HS3ST5: variants seen among roughly 807,000 people sequenced by gnomAD.
HS3ST5 encodes heparan sulfate-glucosamine 3-sulfotransferase 5.
In HS3ST5, 10 loss-of-function variants were observed where a neutral mutation model predicts 25.4. The ratio of observed to expected loss-of-function variants is 0.39; its 90% CI spans 0.24 to 0.67. HS3ST5 has a LOEUF of 0.67. HS3ST5 is among the 30% of genes least tolerant of loss of function. HS3ST5 has a pLI of 0.44. For missense variants in HS3ST5, 324 were observed against 420.7 expected (o/e 0.77, Z 2.01); for synonymous variants, 170 against 162.4 (o/e 1.05, Z -0.36).
At chr6:114,190,609 A>G (rs528818917) in intron 2 of HS3ST5, among the ~76,000 whole-genome samples, 1 of 152,318 alleles carries the variant, frequency 6.6e-6, no homozygotes, top group African/African-American at 2.4e-5. Context: ...AAGGTCCCTG[A>G]TACGTATTTG....
chr6:114,091,073 T>C (rs1460111706), intron 3 of HS3ST5, among the ~76,000 whole-genome samples: 1 of 152,204 alleles, frequency 6.6e-6, no homozygotes, highest in Non-Finnish European at 1.5e-5. Flanking sequence ...AACACTCCTT[T>C]CTATTTTAGT....
intron 2 of HS3ST5, among the ~76,000 whole-genome samples, chr6:114,171,579 C>A (rs1362058026): frequency 6.6e-6 from 1 of 152,142 alleles, no homozygotes; most frequent in Non-Finnish European, 1.5e-5. Flanking sequence ...ATGTGTTCGG[C>A]ACTGAACTAA....
At chr6:114,251,203 A>G (rs1462346367) in intron 1 of HS3ST5, among the ~76,000 whole-genome samples, 1 of 152,214 alleles carries the variant, frequency 6.6e-6, no homozygotes, top group African/African-American at 2.4e-5. Context: ...TATGTGTAGG[A>G]GAGCAGCTTT....
intron 1 of HS3ST5, among the ~76,000 whole-genome samples, chr6:114,308,750 C>T (rs371642576): frequency 1.3e-5 from 2 of 152,130 alleles, no homozygotes; most frequent in East Asian, 1.9e-4. Flanking sequence ...GAGGTGAAAA[C>T]CAGACCAGGT....
intron 1 of HS3ST5, among the ~76,000 whole-genome samples, chr6:114,311,629 G>A (rs565172007): frequency 1.2e-4 from 15 of 122,498 alleles, no homozygotes; most frequent in Middle Eastern, 7.0e-3. Flanking sequence ...TGCAACCTCC[G>A]CCTCCCAGGT....
chr6:114,320,893 G>GCTCT lies in HS3ST5; in HGVS notation c.-339+21298_-339+21301dup, dbSNP rs10544089. Among the ~76,000 whole-genome samples the GCTCT allele has an allele frequency of 1.6e-4, 23 of 140,518 alleles. No individual in the cohort carries two copies. The East Asian group carries it at 4.3e-3, about 26-fold the overall frequency. The allele number at this position is 140,518 out of a possible 152,430, so 92.2% of individuals were successfully genotyped here. A position where few individuals can be genotyped will look rare whatever the true frequency, so the allele number is the denominator to read the frequency against. ...CCTATAATGGCAGTACATAGGAAGT[G>GCTCT]CTCTCTCTCTCTCTCTCTCTCTATA... On this transcript the variant is annotated intron_variant, in intron 1 of 4. Transcript: ENST00000312719.
At chr6:114,280,883 A>G (rs778366589) in intron 1 of HS3ST5, among the ~76,000 whole-genome samples, 2 of 151,994 alleles carry the variant, frequency 1.3e-5, no homozygotes, top group African/African-American at 2.4e-5. Context: ...TCGAACTAAC[A>G]TTGCAATCTG....
At chr6:114,194,438 G>C (rs1044017548) in intron 2 of HS3ST5, among the ~76,000 whole-genome samples, 2 of 152,126 alleles carry the variant, frequency 1.3e-5, no homozygotes, top group Admixed American at 1.3e-4. Context: ...TAGTCTCTTT[G>C]TTAACTGCCT....
chr6:114,115,701 G>T (rs1582617497), intron 3 of HS3ST5, among the ~76,000 whole-genome samples: 1 of 152,170 alleles, frequency 6.6e-6, no homozygotes, highest in South Asian at 2.1e-4. Context: ...CTATTTGAAG[G>T]AAGTTCTCTT....
intron 3 of HS3ST5, among the ~76,000 whole-genome samples, chr6:114,128,727 G>A (rs1316570511): frequency 6.6e-6 from 1 of 152,210 alleles, no homozygotes; most frequent in Non-Finnish European, 1.5e-5. Context: ...AGCATGCCAA[G>A]TGATTAAGAC....
chr6:114,091,530 G>T (rs1340617399), intron 3 of HS3ST5, among the ~76,000 whole-genome samples: 6 of 150,970 alleles, frequency 4.0e-5, no homozygotes, highest in Admixed American at 1.3e-4. Context: ...AAAAAATACA[G>T]AAAATTAGCT....
chr6:114,210,066 G>A (rs773187303), intron 2 of HS3ST5, among the ~76,000 whole-genome samples: 1 of 151,722 alleles, frequency 6.6e-6, no homozygotes, highest in Non-Finnish European at 1.5e-5. Flanking sequence ...TGTCATCCAA[G>A]GCAAAAAATG....
chr6:114,107,727 A>C (rs1411877409), intron 3 of HS3ST5, among the ~76,000 whole-genome samples: 1 of 152,262 alleles, frequency 6.6e-6, no homozygotes, highest in Admixed American at 6.5e-5. Context: ...GATCAATATG[A>C]ATTTCAATGT....
At chr6:114,075,002 C>T (rs1352337373) in intron 3 of HS3ST5, among the ~76,000 whole-genome samples, 2 of 152,122 alleles carry the variant, frequency 1.3e-5, no homozygotes, top group African/African-American at 2.4e-5. Flanking sequence ...AAGGACTCCA[C>T]CAAATTTCAA....
intron 1 of HS3ST5, among the ~76,000 whole-genome samples, chr6:114,279,149 T>A (rs1438672196): frequency 2.0e-5 from 3 of 151,978 alleles, no homozygotes; most frequent in African/African-American, 7.2e-5. Context: ...TCGTATTTTT[T>A]AAAAAAAATC....
intron 1 of HS3ST5, among the ~76,000 whole-genome samples, chr6:114,246,645 A>C (rs1486813902): frequency 6.6e-6 from 1 of 152,190 alleles, no homozygotes; most frequent in East Asian, 1.9e-4. Context: ...AAAAGAACAA[A>C]ATCTCCTCCT....
chr6:114,339,533 G>A (rs1776742497), intron 1 of HS3ST5, among the ~76,000 whole-genome samples: 1 of 152,128 alleles, frequency 6.6e-6, no homozygotes, highest in Non-Finnish European at 1.5e-5. Flanking sequence ...AGATTTAGGA[G>A]CAAAATATTT....
intron 3 of HS3ST5, among the ~76,000 whole-genome samples, chr6:114,129,957 A>T (rs917423921): frequency 6.6e-6 from 1 of 152,236 alleles, no homozygotes; most frequent in African/African-American, 2.4e-5. Context: ...GACAAGTTTC[A>T]GCTGTAAACA....
chr6:114,085,780 T>A (rs1220579783), intron 3 of HS3ST5, among the ~76,000 whole-genome samples: 1 of 152,220 alleles, frequency 6.6e-6, no homozygotes, highest in Non-Finnish European at 1.5e-5. Context: ...TATTTATAGA[T>A]TTAGACATAT....
Sources: gnomAD v4.1 joint callset for allele counts (sites outside exome capture counted in the v4.1 genomes callset) on GRCh38, gnomAD v4.1.1 for gene constraint, MANE v1.5 for transcripts, NCBI Gene and HGNC (gene_info 2026-07-23, HGNC 2026-07-21) for gene names.